Variants in MACROH2A1 observed in about 807,000 individuals in gnomAD.
The protein encoded by MACROH2A1 is core histone macro-H2A.1.
MACROH2A1 carries 2 observed loss-of-function variants against 31.6 expected under a neutral mutation model. That is an observed-to-expected ratio of 0.06 (90% CI 0.03 to 0.20). The LOEUF (loss-of-function observed/expected upper bound fraction) is 0.20, where lower values mean the gene tolerates loss of function less well. Among genes scored for constraint, MACROH2A1 ranks in the 10% least tolerant of loss-of-function variants. The pLI is 1.00. For missense variants in MACROH2A1, 230 were observed against 474.0 expected, an observed-to-expected ratio of 0.49 and a Z score of 4.78; for synonymous variants, 169 against 189.6, an observed-to-expected ratio of 0.89 and a Z score of 0.89.
intron 1 of MACROH2A1, among the ~76,000 whole-genome samples, chr5:135,390,503 A>G (rs1767071553): frequency 6.6e-6 from 1 of 152,206 alleles, no homozygotes; most frequent in African/African-American, 2.4e-5. Flanking sequence ...GATAAACGTA[A>G]TGCATGCTTC....
intron 2 of MACROH2A1, among the ~76,000 whole-genome samples, chr5:135,385,495 C>T (rs1388274582): frequency 6.6e-6 from 1 of 152,186 alleles, no homozygotes; most frequent in Non-Finnish European, 1.5e-5. Context: ...GGTGGGACTT[C>T]CCTCAGATGT....
chr5:135,342,586 G>A (rs1175259331), intron 8 of MACROH2A1, among the ~76,000 whole-genome samples: 1 of 152,184 alleles, frequency 6.6e-6, no homozygotes, highest in Non-Finnish European at 1.5e-5. Flanking sequence ...TATGTCTTAG[G>A]GGCAACTGTG....
At chr5:135,377,664 C>A (rs1047662770) in intron 2 of MACROH2A1, among the ~76,000 whole-genome samples, 2 of 152,222 alleles carry the variant, frequency 1.3e-5, no homozygotes, top group African/African-American at 4.8e-5. Context: ...ACGTTTTGCT[C>A]TACTCCCTTT....
chr5:135,368,237 A>C (rs1475355070), intron 4 of MACROH2A1, among the ~76,000 whole-genome samples: 2 of 152,268 alleles, frequency 1.3e-5, no homozygotes, highest in African/African-American at 4.8e-5. Context: ...ATGTCCCTGC[A>C]TGCGGGTGAA....
At chr5:135,375,652 C>T (rs1019502096) in intron 2 of MACROH2A1, among the ~76,000 whole-genome samples, 5 of 152,098 alleles carry the variant, frequency 3.3e-5, no homozygotes, top group East Asian at 1.9e-4. Flanking sequence ...GGGGCTTTAA[C>T]GGAGCTGTCT....
intron 2 of MACROH2A1, among the ~76,000 whole-genome samples, chr5:135,372,556 C>CT (rs1277014019): frequency 6.6e-6 from 1 of 152,246 alleles, no homozygotes; most frequent in Middle Eastern, 3.2e-3. Flanking sequence ...AAAAAGGTGC[C>CT]TGTGATGCCT....
intron 2 of MACROH2A1, among the ~76,000 whole-genome samples, chr5:135,384,600 G>A (rs2149933056): frequency 6.6e-6 from 1 of 152,296 alleles, no homozygotes; most frequent in East Asian, 1.9e-4. Context: ...GATGCTGGGT[G>A]CCTTTTGGAG....
chr5:135,361,291 C>A (rs1762815884), intron 4 of MACROH2A1: 1 of 154,452 alleles, frequency 6.5e-6, no homozygotes, highest in South Asian at 2.0e-4. Flanking sequence ...ACTTTCCGAT[C>A]CTCTACTTCC....
chr5:135,358,454 G>A, intron 5 of MACROH2A1: 2 of 985,366 alleles, frequency 2.0e-6, no homozygotes, highest in Middle Eastern at 5.2e-4. Context: ...ACATTAAACA[G>A]GAAGGGCAGT....
intron 2 of MACROH2A1, among the ~76,000 whole-genome samples, chr5:135,385,875 G>C (rs1207328233): frequency 6.6e-6 from 1 of 152,194 alleles, no homozygotes; most frequent in Non-Finnish European, 1.5e-5. Flanking sequence ...AGACAAGAGT[G>C]TGAGCTCCAT....
At chr5:135,344,372 AC>A (rs1284032259) in intron 7 of MACROH2A1, 4 of 151,752 alleles carry the variant, frequency 2.6e-5, no homozygotes, top group African/African-American at 4.8e-5. Context: ...TATTTCTGAA[AC>A]TTTTTTTTTT....
intron 2 of MACROH2A1, among the ~76,000 whole-genome samples, chr5:135,377,905 T>C (rs1050710601): frequency 6.6e-6 from 1 of 152,136 alleles, no homozygotes; most frequent in Non-Finnish European, 1.5e-5. Flanking sequence ...TCTTTTTTCA[T>C]GGCTGTTTTT....
chr5:135,396,671 C>T (rs746241999), intron 1 of MACROH2A1, among the ~76,000 whole-genome samples: 9 of 152,034 alleles, frequency 5.9e-5, no homozygotes, highest in Non-Finnish European at 1.0e-4. Context: ...TGGGGGGCTA[C>T]GTGGGGCCTT....
intron 5 of MACROH2A1, 61 bp from the exon 6 acceptor site, chr5:135,353,106 C>A (rs1402677454): frequency 1.9e-6 from 2 of 1,046,120 alleles, no homozygotes; most frequent in Admixed American, 3.4e-5. Context: ...AGAGAAGGAG[C>A]CTTGGGATAC....
chr5:135,360,280 C>T (rs1431133754), intron 5 of MACROH2A1: 3 of 580,504 alleles, frequency 5.2e-6, no homozygotes, highest in Non-Finnish European at 9.2e-6. Flanking sequence ...TTTTTTACCA[C>T]TGTCTCCCTT....
intron 4 of MACROH2A1, chr5:135,360,932 T>C (rs1762769298): frequency 2.3e-6 from 1 of 434,224 alleles, no homozygotes; most frequent in Non-Finnish European, 4.3e-6. Flanking sequence ...TTAAGGATCT[T>C]TAAGTGTCTT....
intron 1 of MACROH2A1, among the ~76,000 whole-genome samples, chr5:135,392,435 G>A (rs1767373914): frequency 6.6e-6 from 1 of 152,192 alleles, no homozygotes; most frequent in Non-Finnish European, 1.5e-5. Context: ...GTCTTGCAGA[G>A]ATTCTGTACT....
chr5:135,346,074 T>C lies in MACROH2A1; in HGVS notation c.689-17A>G. 1.3e-6 allele frequency: 2 copies of C among 1,569,492 alleles called. No homozygotes were observed. Among genetic ancestry groups the C allele is most frequent in the Non-Finnish European group, 1.8e-6 (2 of 1,139,316 alleles). On this transcript the variant is annotated splice_polypyrimidine_tract_variant and intron_variant, in intron 6 of 8. Transcript: ENST00000511689. ...GCGTGTTTCCTAGACAAGGACAGGG[T>C]GGGGTCAGGTTGCCATTCTGTGTCT...
chr5:135,337,603 G>C (rs1045624399), intron 8 of MACROH2A1, among the ~76,000 whole-genome samples: 2 of 152,256 alleles, frequency 1.3e-5, no homozygotes, highest in African/African-American at 4.8e-5. Flanking sequence ...GAATTCTGGA[G>C]AGCTTGTCAA....
Sources: gnomAD v4.1 joint callset for allele counts (sites outside exome capture counted in the v4.1 genomes callset) on GRCh38, gnomAD v4.1.1 for gene constraint, MANE v1.5 for transcripts, NCBI Gene and HGNC (gene_info 2026-07-23, HGNC 2026-07-21) for gene names.